Variants in COL25A1 observed in about 807,000 individuals in gnomAD.
COL25A1 encodes the protein collagen alpha-1(XXV) chain.
COL25A1 carries 103 observed loss-of-function variants against 128.4 expected under a neutral mutation model. The ratio of observed to expected loss-of-function variants is 0.80; its 90% CI spans 0.68 to 0.94. The LOEUF (loss-of-function observed/expected upper bound fraction) is 0.94. COL25A1 is among the 40% of genes least tolerant of loss of function. The probability of loss-of-function intolerance (pLI) is 0.00; values close to 1 mark genes in which losing one functional copy is unlikely to be tolerated. For synonymous variants in COL25A1, 279 were observed against 277.2 expected (o/e 1.01, Z -0.06); for missense variants, 745 against 840.0 (o/e 0.89, Z 1.40).
rs115722443 is a variant in COL25A1, at chr4:109,015,567, A to G, written c.421-5192T>C. Among the ~76,000 whole-genome samples, 285 of 152,316 alleles carry G rather than the reference A, an allele frequency of 1.9e-3. 1 individual carries two copies. The highest frequency in any genetic ancestry group is 6.7e-3 in the African/African-American group (279 of 41,568). ...CAGGAAAATACATGAGAAAGTGGAG[A>G]ATACTGAGTGCTCTGGGTCACTGAC... On this transcript the variant is annotated intron_variant, in intron 5 of 37. Coordinates refer to ENST00000399132, the MANE Select transcript of COL25A1 (RefSeq NM_198721.4).
chr4:108,995,726 A>G (rs4956067), intron 6 of COL25A1, among the ~76,000 whole-genome samples: 121,012 of 152,068 alleles, frequency 0.8, 49,315 homozygotes, highest in East Asian at 1. Flanking sequence ...GAGAAAGGTC[A>G]GGTTACCCAC....
chr4:109,122,740 T>C (rs537280544), intron 3 of COL25A1, among the ~76,000 whole-genome samples: 17 of 152,232 alleles, frequency 1.1e-4, no homozygotes, highest in African/African-American at 4.1e-4. Context: ...GAAAGACACA[T>C]GTAAGCATGG....
At chr4:109,178,277 G>A (rs557761826) in intron 3 of COL25A1, among the ~76,000 whole-genome samples, 2 of 152,214 alleles carry the variant, frequency 1.3e-5, no homozygotes, top group East Asian at 1.9e-4. Flanking sequence ...TTTCAACTAC[G>A]TTGGGTAAGG....
chr4:109,076,401 T>G (rs1488264907), intron 3 of COL25A1, among the ~76,000 whole-genome samples: 1 of 152,214 alleles, frequency 6.6e-6, no homozygotes, highest in Non-Finnish European at 1.5e-5. Context: ...AATGTATTAA[T>G]CAATTTATCA....
At chr4:109,115,060 A>G (rs1384267880) in intron 3 of COL25A1, among the ~76,000 whole-genome samples, 1 of 152,088 alleles carries the variant, frequency 6.6e-6, no homozygotes, top group Non-Finnish European at 1.5e-5. Flanking sequence ...CTTGTAAAAC[A>G]GAAACAAAAT....
chr4:109,180,981 A>G (rs1367256330), intron 3 of COL25A1, among the ~76,000 whole-genome samples: 2 of 152,172 alleles, frequency 1.3e-5, no homozygotes, highest in African/African-American at 4.8e-5. Flanking sequence ...CCTGACACCA[A>G]TATCACCTAT....
intron 16 of COL25A1, among the ~76,000 whole-genome samples, chr4:108,892,637 T>C (rs1449213739): frequency 2.0e-5 from 3 of 152,206 alleles, no homozygotes; most frequent in South Asian, 4.1e-4. Flanking sequence ...TGAAAGGTAA[T>C]TCATTTTTTT....
At chr4:109,130,420 A>G (rs111463642) in intron 3 of COL25A1, among the ~76,000 whole-genome samples, 6 of 152,174 alleles carry the variant, frequency 3.9e-5, no homozygotes, top group African/African-American at 1.4e-4. Flanking sequence ...GTCCCAAAGA[A>G]TGGCACTGAA....
chr4:109,293,773 G>T (rs966633787), intron 3 of COL25A1, among the ~76,000 whole-genome samples: 1 of 151,950 alleles, frequency 6.6e-6, no homozygotes, highest in South Asian at 2.1e-4. Flanking sequence ...TAAAAAATGC[G>T]CTTCAAATCT....
intron 19 of COL25A1, among the ~76,000 whole-genome samples, chr4:108,877,227 A>G (rs1042736114): frequency 6.6e-6 from 1 of 152,224 alleles, no homozygotes; most frequent in Non-Finnish European, 1.5e-5. Flanking sequence ...CACATGACCA[A>G]CTACGGAGGG....
At chr4:109,163,453 T>G (rs1489939418) in intron 3 of COL25A1, among the ~76,000 whole-genome samples, 1 of 152,084 alleles carries the variant, frequency 6.6e-6, no homozygotes, top group Non-Finnish European at 1.5e-5. Context: ...AGGTGGGACA[T>G]GAAGGAACTG....
At chr4:109,280,575 C>T (rs564491102) in intron 3 of COL25A1, among the ~76,000 whole-genome samples, 3 of 152,130 alleles carry the variant, frequency 2.0e-5, no homozygotes, top group African/African-American at 7.2e-5. Context: ...TATTAGATGA[C>T]ATTAGGAAAT....
intron 31 of COL25A1, 80 bp downstream of exon 31, chr4:108,841,615 G>A: frequency 3.5e-6 from 4 of 1,134,602 alleles, no homozygotes; most frequent in Middle Eastern, 2.0e-4. Flanking sequence ...AAATAAGATA[G>A]GACAGACATG....
At chr4:109,122,065 G>T (rs1357649046) in intron 3 of COL25A1, among the ~76,000 whole-genome samples, 2 of 152,054 alleles carry the variant, frequency 1.3e-5, no homozygotes, top group Non-Finnish European at 2.9e-5. Context: ...ATGATATTCT[G>T]AAAAAGGCAA....
At chr4:109,137,218 CAGAA>C (rs747071396) in intron 3 of COL25A1, among the ~76,000 whole-genome samples, 8 of 152,098 alleles carry the variant, frequency 5.3e-5, no homozygotes, top group Non-Finnish European at 1.0e-4. Context: ...GAGTTTTAAG[CAGAA>C]AGAAAGATGA....
chr4:109,028,155 C>T (rs1758491810), intron 5 of COL25A1, among the ~76,000 whole-genome samples: 1 of 152,162 alleles, frequency 6.6e-6, no homozygotes, highest in Non-Finnish European at 1.5e-5. Flanking sequence ...GACAGAGTCT[C>T]ACTTTGTCAC....
chr4:109,130,289 G>C (rs769540762), intron 3 of COL25A1, among the ~76,000 whole-genome samples: 1 of 152,104 alleles, frequency 6.6e-6, no homozygotes, highest in South Asian at 2.1e-4. Flanking sequence ...CATTATAACA[G>C]ACAGTAAATG....
chr4:109,126,119 A>G (rs1308660016), intron 3 of COL25A1, among the ~76,000 whole-genome samples: 7 of 152,168 alleles, frequency 4.6e-5, no homozygotes, highest in Admixed American at 4.6e-4. Context: ...TTATTTTGCT[A>G]CTTGAAATGG....
At position 108,811,042 on chromosome 4, in the gene COL25A1, T is replaced by A. The variant is rs1053521850; in HGVS notation, c.*2885A>T. 9 of 152,062 alleles carry A rather than the reference T, an allele frequency of 5.9e-5. No individual in the cohort carries two copies. The highest frequency in any genetic ancestry group is 1.3e-4 in the Non-Finnish European group (9 of 67,904). The allele number at this position is 152,062 out of a possible 1,614,324, so 9.4% of individuals were successfully genotyped here. A position where few individuals can be genotyped will look rare whatever the true frequency, so the allele number is the denominator to read the frequency against. ...TGCCTTATTTCCAATGTGTCTTTCA[T>A]GTATATTTTCTCAACCCTCTATCCA... On this transcript the variant is annotated 3_prime_UTR_variant, in exon 38 of 38. Transcript: ENST00000399132.
Sources: allele counts gnomAD v4.1 joint callset (sites outside exome capture counted in the v4.1 genomes callset), GRCh38; gene constraint gnomAD v4.1.1; transcripts MANE v1.5; gene names NCBI Gene and HGNC (gene_info 2026-07-23, HGNC 2026-07-21).